Variants in PLA2G4A observed in about 807,000 individuals in gnomAD.
PLA2G4A encodes the protein cytosolic phospholipase A2.
PLA2G4A carries 40 observed loss-of-function variants against 81.9 expected under a neutral mutation model. That is an observed-to-expected ratio of 0.49 (90% CI 0.38 to 0.64). PLA2G4A has a LOEUF of 0.64. Among genes scored for constraint, PLA2G4A ranks in the 30% least tolerant of loss-of-function variants. The probability of loss-of-function intolerance (pLI) is 0.00; values close to 1 mark genes in which losing one functional copy is unlikely to be tolerated. For synonymous variants in PLA2G4A, 302 were observed against 296.9 expected (o/e 1.02, Z -0.18); for missense variants, 715 against 905.1 (o/e 0.79, Z 2.69).
intron 1 of PLA2G4A, among the ~76,000 whole-genome samples, chr1:186,835,235 G>T (rs1651736709): frequency 6.6e-6 from 1 of 152,142 alleles, no homozygotes; most frequent in Non-Finnish European, 1.5e-5. Context: ...AGTAAACTGG[G>T]ATGTTCACCC....
rs12720681 is a variant in PLA2G4A at position 186,976,820 on chromosome 1, C to T, written c.1765-773C>T. On this transcript the variant is annotated intron_variant, in intron 15 of 17. Transcript: ENST00000367466. ...CTTTGGTGCAGAGACAAACCAACCTCGAATCTCCGTAGCTGACTGCGAACA... is the reference window on the plus strand; with the variant it reads ...CTTTGGTGCAGAGACAAACCAACCTTGAATCTCCGTAGCTGACTGCGAACA... Among the ~76,000 whole-genome samples the T allele has an allele frequency of 7.2e-3, 1,094 of 152,288 alleles. 11 individuals are homozygous for T. The highest frequency in any genetic ancestry group is 0.025 in the African/African-American group (1,034 of 41,568).
At chr1:186,834,586 T>C (rs1237434887) in intron 1 of PLA2G4A, among the ~76,000 whole-genome samples, 2 of 152,166 alleles carry the variant, frequency 1.3e-5, no homozygotes, top group African/African-American at 4.8e-5. Flanking sequence ...TCAATCGTTC[T>C]GCCCTTATAA....
At chr1:186,889,768 T>C (rs1654069176) in intron 3 of PLA2G4A, among the ~76,000 whole-genome samples, 4 of 10,828 alleles carry the variant, frequency 3.7e-4, no homozygotes, top group Admixed American at 1.6e-3. Context: ...GATCTTTTTG[T>C]TTAGACCTCT....
chr1:186,974,940 G>A (rs1412986656), intron 15 of PLA2G4A, among the ~76,000 whole-genome samples: 5 of 152,222 alleles, frequency 3.3e-5, no homozygotes, highest in African/African-American at 4.8e-5. Context: ...TGATTCTAGC[G>A]TGAAGTGAAC....
At chr1:186,837,663 G>A (rs1651831026) in intron 1 of PLA2G4A, among the ~76,000 whole-genome samples, 1 of 148,500 alleles carries the variant, frequency 6.7e-6, no homozygotes, top group Non-Finnish European at 1.5e-5. Context: ...CGTGAACCCA[G>A]GAGGCGGAGC....
chr1:186,984,110 A>G (rs768872783), intron 17 of PLA2G4A, among the ~76,000 whole-genome samples: 1 of 152,186 alleles, frequency 6.6e-6, no homozygotes, highest in Non-Finnish European at 1.5e-5. Flanking sequence ...TGACACCTAA[A>G]GTAAATATGC....
chr1:186,859,930 A>G (rs1652735874), intron 2 of PLA2G4A, among the ~76,000 whole-genome samples: 1 of 152,176 alleles, frequency 6.6e-6, no homozygotes, highest in Non-Finnish European at 1.5e-5. Context: ...AAATAATGAA[A>G]TAAGATATTT....
At chr1:186,878,940 G>A (rs559710316) in intron 3 of PLA2G4A, among the ~76,000 whole-genome samples, 2 of 151,954 alleles carry the variant, frequency 1.3e-5, no homozygotes, top group South Asian at 4.1e-4. Context: ...AAGTGTTTAT[G>A]TCTAAGAGAA....
intron 7 of PLA2G4A, among the ~76,000 whole-genome samples, chr1:186,931,066 T>C (rs1160718): frequency 0.31 from 46,441 of 152,058 alleles, 9,634 homozygotes; most frequent in African/African-American, 0.58. Flanking sequence ...CTTTATTGTA[T>C]TCTACTCATC....
At chr1:186,846,239 C>T (rs765537679) in intron 1 of PLA2G4A, among the ~76,000 whole-genome samples, 12 of 152,140 alleles carry the variant, frequency 7.9e-5, no homozygotes, top group Admixed American at 2.0e-4. Flanking sequence ...AAAGAAAGGA[C>T]GGCTGCCTAT....
At chr1:186,857,831 C>A (rs1224922998) in intron 2 of PLA2G4A, among the ~76,000 whole-genome samples, 1 of 151,910 alleles carries the variant, frequency 6.6e-6, no homozygotes, top group African/African-American at 2.4e-5. Flanking sequence ...CAGTTCCCAC[C>A]TATGAGTGAG....
At chr1:186,966,101 G>A (rs1403609441) in intron 15 of PLA2G4A, among the ~76,000 whole-genome samples, 1 of 139,662 alleles carries the variant, frequency 7.2e-6, no homozygotes, top group Non-Finnish European at 1.5e-5. Context: ...AGAGTGGTTT[G>A]AGGGATGAGT....
chr1:186,951,322 G>A (rs1656553052), intron 13 of PLA2G4A, among the ~76,000 whole-genome samples: 2 of 151,926 alleles, frequency 1.3e-5, no homozygotes, highest in African/African-American at 4.8e-5. Flanking sequence ...ATGGACTTGG[G>A]GCAGAGATAA....
chr1:186,860,856 T>C (rs1046141712), intron 2 of PLA2G4A, among the ~76,000 whole-genome samples: 2 of 152,206 alleles, frequency 1.3e-5, no homozygotes, highest in Non-Finnish European at 2.9e-5. Context: ...TGGTTCTTTT[T>C]AAAATCTTCT....
At chr1:186,904,089 A>G (rs899417362) in intron 5 of PLA2G4A, among the ~76,000 whole-genome samples, 5 of 152,320 alleles carry the variant, frequency 3.3e-5, no homozygotes, top group Admixed American at 1.3e-4. Context: ...TTTAGTTTTT[A>G]TAGTTTATCT....
chr1:186,920,720 C>G (rs979829550), intron 7 of PLA2G4A, among the ~76,000 whole-genome samples: 3 of 152,362 alleles, frequency 2.0e-5, no homozygotes, highest in Admixed American at 2.0e-4. Flanking sequence ...CCAGAACCCC[C>G]CTTTTCCTCT....
At chr1:186,971,582 T>C (rs944380143) in intron 15 of PLA2G4A, among the ~76,000 whole-genome samples, 1 of 152,024 alleles carries the variant, frequency 6.6e-6, no homozygotes, top group African/African-American at 2.4e-5. Flanking sequence ...TCTAGGTATG[T>C]ACTTCAGCAA....
At chr1:186,957,293 G>A (rs1028875044) in intron 14 of PLA2G4A, among the ~76,000 whole-genome samples, 1 of 151,934 alleles carries the variant, frequency 6.6e-6, no homozygotes, top group Admixed American at 6.5e-5. Flanking sequence ...TTATAAAATC[G>A]TTCCAAACTT....
At chr1:186,937,469 T>A (rs1034607017) in intron 8 of PLA2G4A, among the ~76,000 whole-genome samples, 3 of 152,002 alleles carry the variant, frequency 2.0e-5, no homozygotes, top group African/African-American at 7.2e-5. Context: ...GTGATTATAC[T>A]AAGTTGAGTT....
Sources: gnomAD v4.1 joint callset for allele counts (sites outside exome capture counted in the v4.1 genomes callset) on GRCh38, gnomAD v4.1.1 for gene constraint, MANE v1.5 for transcripts, NCBI Gene and HGNC (gene_info 2026-07-23, HGNC 2026-07-21) for gene names.